The following UBE2U variants were observed in gnomAD, a reference collection of about 807,000 sequenced individuals.
UBE2U encodes the protein ubiquitin-conjugating enzyme E2 U.
UBE2U carries 39 observed loss-of-function variants against 41.2 expected under a neutral mutation model. The ratio of observed to expected loss-of-function variants is 0.95; its 90% CI spans 0.73 to 1.24. UBE2U has a LOEUF of 1.24. UBE2U is among the 50% of genes most tolerant of loss of function. UBE2U has a pLI of 0.00. For synonymous variants in UBE2U, 107 were observed against 117.8 expected, an observed-to-expected ratio of 0.91 and a Z score of 0.60; for missense variants, 336 against 363.1, an observed-to-expected ratio of 0.93 and a Z score of 0.61.
chr1:64,216,874 T>C (rs1652057343), intron 5 of UBE2U, among the ~76,000 whole-genome samples: 1 of 152,200 alleles, frequency 6.6e-6, no homozygotes, highest in Admixed American at 6.5e-5. Context: ...CCTCCTTTCC[T>C]TGTGGCCTGG....
rs372484844 is a variant in UBE2U at position 64,211,394 on chromosome 1, C to T, written c.339+555C>T. 2.8e-4 allele frequency among the ~76,000 whole-genome samples: 42 copies of T among 152,276 alleles called. 4 individuals carry two copies. In the South Asian group the frequency reaches 5.0e-3, roughly 18 times the overall value. ...TCAGATGCCACCTTTACCCACTGGA[C>T]CCATGGTCCTTAGAAGCATACCTCA... On this transcript the variant is annotated intron_variant, in intron 4 of 9. Transcript: ENST00000371077.
At chr1:64,255,850 A>G (rs1355927174) in intron 8 of UBE2U, among the ~76,000 whole-genome samples, 1 of 150,682 alleles carries the variant, frequency 6.6e-6, no homozygotes, top group Non-Finnish European at 1.5e-5. Context: ...TGCCGATACC[A>G]TGATCCTATG....
intron 6 of UBE2U, among the ~76,000 whole-genome samples, chr1:64,229,094 C>G (rs1330174947): frequency 2.6e-5 from 4 of 152,110 alleles, no homozygotes; most frequent in Non-Finnish European, 5.9e-5. Context: ...CTCCTGACCT[C>G]ATGATCTGCC....
intron 8 of UBE2U, among the ~76,000 whole-genome samples, chr1:64,255,003 T>A (rs1421400017): frequency 6.6e-6 from 1 of 150,946 alleles, no homozygotes; most frequent in African/African-American, 2.4e-5. Context: ...TGAAAAAAAA[T>A]TAATAAAATA....
rs576397851 is a variant in UBE2U, at chr1:64,246,240, A to G, written c.677+4507A>G. 3.0e-4 allele frequency among the ~76,000 whole-genome samples: 45 copies of G among 152,244 alleles called. No individual in the cohort carries two copies. In the South Asian group the frequency reaches 8.9e-3, roughly 30 times the overall value. ...CTGGACTTAGTTGTCCTGTCTTTTA[A>G]ATTAAGAGACTAATACATATTTTTT... On this transcript the variant is annotated intron_variant, in intron 8 of 9. Transcript: ENST00000371077.
chr1:64,241,143 T>C (rs187921228), intron 7 of UBE2U, among the ~76,000 whole-genome samples: 1 of 152,322 alleles, frequency 6.6e-6, no homozygotes, highest in Admixed American at 6.5e-5. Flanking sequence ...GTTACTTTCC[T>C]TGTAAGGGTT....
chr1:64,216,966 C>G (rs1219061594), intron 5 of UBE2U, among the ~76,000 whole-genome samples: 1 of 152,196 alleles, frequency 6.6e-6, no homozygotes, highest in Non-Finnish European at 1.5e-5. Context: ...TACCTCCTTT[C>G]ACTTGCAGTG....
chr1:64,229,416 G>A (rs889325490), intron 6 of UBE2U, among the ~76,000 whole-genome samples: 5 of 152,160 alleles, frequency 3.3e-5, no homozygotes, highest in Admixed American at 1.3e-4. Flanking sequence ...CGCTAAACTT[G>A]GCTCTTTTCA....
At chr1:64,204,889 T>C (rs1651196729) in intron 1 of UBE2U, among the ~76,000 whole-genome samples, 6 of 152,316 alleles carry the variant, frequency 3.9e-5, no homozygotes, top group Admixed American at 3.9e-4. Flanking sequence ...TAGGAACAAT[T>C]ATGGAGTCCA....
intron 9 of UBE2U, among the ~76,000 whole-genome samples, chr1:64,262,719 T>C (rs1007550821): frequency 1.1e-4 from 17 of 152,186 alleles, no homozygotes; most frequent in Admixed American, 4.6e-4. Context: ...ACCTTATCAC[T>C]TGCATCCTAT....
chr1:64,220,804 G>A, intron 5 of UBE2U, 55 bp from the exon 6 acceptor site: 2 of 1,290,392 alleles, frequency 1.5e-6, no homozygotes, highest in Non-Finnish European at 2.2e-6. Context: ...TGCACATAAA[G>A]CCATATATTC....
At chr1:64,245,835 C>T (rs1010261167) in intron 8 of UBE2U, among the ~76,000 whole-genome samples, 1 of 152,066 alleles carries the variant, frequency 6.6e-6, no homozygotes, top group Non-Finnish European at 1.5e-5. Flanking sequence ...CCCCTGACGC[C>T]CCAGACATTC....
At chr1:64,234,186 A>AT (rs1270570349) in intron 7 of UBE2U, among the ~76,000 whole-genome samples, 1 of 152,212 alleles carries the variant, frequency 6.6e-6, no homozygotes, top group African/African-American at 2.4e-5. Flanking sequence ...ACCTATGTGT[A>AT]TTATAGGCAT....
chr1:64,210,970 C>A, intron 4 of UBE2U, 131 bp downstream of exon 4: 1 of 550,180 alleles, frequency 1.8e-6, no homozygotes, highest in Non-Finnish European at 2.9e-6. Context: ...TAAATCCATA[C>A]TTCTATATGA....
At position 64,260,815 on chromosome 1, in the gene UBE2U, C is replaced by T. The variant is rs554997459; in HGVS notation, c.769+121C>T. ...ATATATGAGGGCTAATCCTTGTGTT[C>T]TCCTTTTAAGGTTGCTTTAACTTTT... On this transcript the variant is annotated intron_variant, in intron 9 of 9. Coordinates refer to ENST00000371077, the MANE Select transcript of UBE2U (RefSeq NM_001366232.2). 4.0e-5 allele frequency: 28 copies of T among 703,846 alleles called. No individual in the cohort carries two copies. In the South Asian group the frequency reaches 6.3e-4, roughly 16 times the overall value. The allele number at this position is 703,846 out of a possible 1,614,324, so 43.6% of individuals were successfully genotyped here.
At chr1:64,218,332 T>C (rs1346926984) in intron 5 of UBE2U, among the ~76,000 whole-genome samples, 2 of 152,176 alleles carry the variant, frequency 1.3e-5, no homozygotes, top group Non-Finnish European at 2.9e-5. Flanking sequence ...GTACCTCTTT[T>C]TTCCTGTTTG....
chr1:64,220,764 A>G, intron 5 of UBE2U, 95 bp from the exon 6 acceptor site: 1 of 930,766 alleles, frequency 1.1e-6, no homozygotes, highest in South Asian at 1.5e-5. Context: ...TTATTCCTTT[A>G]TTACCATTTT....
intron 7 of UBE2U, among the ~76,000 whole-genome samples, chr1:64,239,157 A>AAGAAGAGGAAGAAAG: frequency 2.7e-5 from 1 of 37,064 alleles, no homozygotes; most frequent in Non-Finnish European, 5.8e-5. Context: ...GAAGAAGAAG[A>AAGAAGAGGAAGAAAG]AAGAAGAAGA....
intron 6 of UBE2U, among the ~76,000 whole-genome samples, chr1:64,227,234 C>T (rs937322135): frequency 2.0e-5 from 3 of 152,110 alleles, no homozygotes; most frequent in Non-Finnish European, 4.4e-5. Flanking sequence ...TCTACTACCA[C>T]CACTTCTATT....
Sources: gnomAD v4.1 joint callset for allele counts (sites outside exome capture counted in the v4.1 genomes callset) on GRCh38, gnomAD v4.1.1 for gene constraint, MANE v1.5 for transcripts, NCBI Gene and HGNC (gene_info 2026-07-23, HGNC 2026-07-21) for gene names.